VDR: variants seen among roughly 807,000 people sequenced by gnomAD.
VDR encodes the protein vitamin D3 receptor.
Under a neutral mutation model 39.7 loss-of-function variants are expected in VDR, and 19 were observed. The observed-to-expected ratio is 0.48, with a 90% confidence interval of 0.33 to 0.70. The LOEUF (loss-of-function observed/expected upper bound fraction) is 0.70. Among genes scored for constraint, VDR ranks in the 30% least tolerant of loss-of-function variants. The probability of loss-of-function intolerance (pLI) is 0.02; values close to 1 mark genes in which losing one functional copy is unlikely to be tolerated. For missense variants in VDR, 442 were observed against 570.5 expected, an observed-to-expected ratio of 0.77 and a Z score of 2.29; for synonymous variants, 242 against 215.8, an observed-to-expected ratio of 1.12 and a Z score of -1.07.
chr12:47,882,727 G>C lies in VDR; in HGVS notation c.-36C>G, dbSNP rs542245013. On this transcript the variant is annotated 5_prime_UTR_variant, in exon 2 of 10. Transcript: ENST00000549336. Reference sequence around the variant, plus strand: ...GCAGGGGGCAGGTAAGTGGAGCCCAGGGGTGCTCTTCTGTGAGGTCTCACA... The same window carrying C: ...GCAGGGGGCAGGTAAGTGGAGCCCACGGGTGCTCTTCTGTGAGGTCTCACA... 2.7e-6 allele frequency: 4 copies of C among 1,504,438 alleles called. No individual in the cohort carries two copies. The highest frequency in any genetic ancestry group is 4.0e-5 in the Admixed American group (2 of 49,524). The allele number at this position is 1,504,438 out of a possible 1,614,324, so 93.2% of individuals were successfully genotyped here. A position where few individuals can be genotyped will look rare whatever the true frequency, so the allele number is the denominator to read the frequency against.
intron 1 of VDR, among the ~76,000 whole-genome samples, chr12:47,883,299 A>T (rs894411518): frequency 6.6e-6 from 1 of 152,194 alleles, no homozygotes; most frequent in Non-Finnish European, 1.5e-5. Context: ...GGCAGCCCAC[A>T]GCCTTGGCCT....
At position 47,903,512 on chromosome 12, in the gene VDR, T is replaced by G. The variant is rs11574017; in HGVS notation, c.-84+1443A>C. On this transcript the variant is annotated intron_variant, in intron 1 of 9. Coordinates refer to ENST00000549336, the MANE Select transcript of VDR (RefSeq NM_000376.3). Reference sequence around the variant, plus strand: ...AAGACTCACAGTTCCCTCCAGCACTTGGACAGGGAAGGGACGGCAGGTCTC... The same window carrying G: ...AAGACTCACAGTTCCCTCCAGCACTGGGACAGGGAAGGGACGGCAGGTCTC... Among the ~76,000 whole-genome samples the G allele has an allele frequency of 8.7e-3, 1,326 of 152,290 alleles. 11 individuals carry two copies. Among genetic ancestry groups the G allele is most frequent in the African/African-American group, 0.03 (1,257 of 41,558 alleles).
intron 9 of VDR, 94 bp downstream of exon 9, chr12:47,846,241 C>T: frequency 9.6e-7 from 1 of 1,038,740 alleles, no homozygotes; most frequent in Non-Finnish European, 1.5e-6. Context: ...TGCTACGTCT[C>T]CCTTCAGGTT....
Position 47,888,904 on chromosome 12 carries a change from G to C in VDR, c.-83-6130C>G, listed in dbSNP as rs577514715. ...CTATTCCCCAAAAGCTAGGAAAGAA[G>C]ATTTTGAATGTTCACAACACAAAGA... is the stretch of plus-strand genomic sequence containing the variant. On this transcript the variant is annotated intron_variant, in intron 1 of 9. Coordinates refer to ENST00000549336, the MANE Select transcript of VDR (RefSeq NM_000376.3). Among the ~76,000 whole-genome samples the C allele has an allele frequency of 7.2e-5, 11 of 152,244 alleles. No individual in the cohort carries two copies. In the South Asian group the frequency reaches 2.3e-3, roughly 32 times the overall value.
intron 2 of VDR, among the ~76,000 whole-genome samples, chr12:47,880,615 G>A (rs1946127452): frequency 1.3e-5 from 2 of 152,178 alleles, no homozygotes; most frequent in African/African-American, 2.4e-5. Context: ...AGGGAATCCC[G>A]GTCACAGACC....
At chr12:47,866,953 G>T (rs564644040) in intron 3 of VDR, among the ~76,000 whole-genome samples, 2 of 152,160 alleles carry the variant, frequency 1.3e-5, no homozygotes, top group African/African-American at 4.8e-5. Context: ...CCAAGATCAT[G>T]CCACTGCACT....
In VDR at chr12:47,855,791, G is replaced by A. The variant is rs1371488626; in HGVS notation, c.594C>T (p.Asp198=). The A allele has an allele frequency of 1.2e-6, 2 of 1,613,868 alleles. No homozygotes were observed. Among genetic ancestry groups the A allele is most frequent in the Non-Finnish European group, 8.5e-7 (1 of 1,179,996 alleles). Residue 198 remains aspartate (D), a synonymous_variant, in exon 7 of 10, where the codon GAC becomes GAT. Transcript: ENST00000549336. Reference sequence around the variant, plus strand: ...GATCCAGATTGGAGAAGCTGGACGAGTCCATCATGTCTGGGAGAGATGAGG... The same window carrying A: ...GATCCAGATTGGAGAAGCTGGACGAATCCATCATGTCTGGGAGAGATGAGG... ...DHCITSSDMM[D]SSSFSNLDLS...
intron 4 of VDR, among the ~76,000 whole-genome samples, chr12:47,858,071 A>AGT (rs11574083): frequency 0.53 from 80,798 of 151,028 alleles, 21,912 homozygotes; most frequent in South Asian, 0.58. Flanking sequence ...TCCTCCATAA[A>AGT]GTGTGTGTGT....
chr12:47,857,067 C>A (rs1945503112), intron 6 of VDR, 62 bp downstream of exon 6: 2 of 1,609,836 alleles, frequency 1.2e-6, no homozygotes, highest in Non-Finnish European at 1.7e-6. Flanking sequence ...AGCCCCAGGG[C>A]AGGTGCGGTG....
chr12:47,851,409 A>G (rs978801683), intron 7 of VDR, among the ~76,000 whole-genome samples: 1 of 152,042 alleles, frequency 6.6e-6, no homozygotes, highest in East Asian at 1.9e-4. Flanking sequence ...AGTTCACACC[A>G]AGAACAGCCC....
At chr12:47,882,622 T>TTCCCCCC in intron 2 of VDR, 72 bp downstream of exon 2, 1 of 603,850 alleles carries the variant, frequency 1.7e-6, no homozygotes, top group Non-Finnish European at 3.0e-6. Flanking sequence ...CACCTTCTTA[T>TTCCCCCC]GCCCCTCCCC....
intron 1 of VDR, among the ~76,000 whole-genome samples, chr12:47,888,812 A>G (rs186076443): frequency 4.6e-5 from 7 of 152,292 alleles, no homozygotes; most frequent in East Asian, 1.9e-4. Context: ...TTAAAGCTGG[A>G]CAGGAAGAAT....
At position 47,844,799 on chromosome 12, in the gene VDR, T is replaced by C. The variant is rs2137118603; in HGVS notation, c.1231A>G (p.Ser411Gly). Residue 411 changes from serine to glycine, a missense_variant, in exon 10 of 10, where the codon AGC becomes GGC. By Grantham distance (56) the Ser-to-Gly change is moderately conservative. Around this residue, in one of 5 missense-constraint regions of VDR, gnomAD observed 173 missense variants for 252.0 expected, o/e 0.69. Coordinates refer to ENST00000549336, the MANE Select transcript of VDR (RefSeq NM_000376.3). The part of the protein sequence containing the change: ...YRCLSFQPEC[S>G]MKLTPLVLEV... ...AGCACAAGGGGCGTTAGCTTCATGCTGCACTCAGGCTGGAAGGAGAGGCAG... is the reference window on the plus strand; with the variant it reads ...AGCACAAGGGGCGTTAGCTTCATGCCGCACTCAGGCTGGAAGGAGAGGCAG... 1 of 1,614,168 alleles carries C rather than the reference T, an allele frequency of 6.2e-7. No individual in the cohort carries two copies. The highest frequency in any genetic ancestry group is 8.5e-7 in the Non-Finnish European group (1 of 1,180,012).
rs1327001546 is a variant in VDR, at chr12:47,844,733, C to T, written c.*13G>A. ...GAGCAGCCCCACCCAGGCACCGCCA[C>T]AGGCTGTCCTAGTCAGGAGATCTCA... On this transcript the variant is annotated 3_prime_UTR_variant, in exon 10 of 10. Coordinates refer to ENST00000549336, the MANE Select transcript of VDR (RefSeq NM_000376.3). 2.5e-6 allele frequency: 4 copies of T among 1,613,760 alleles called. No homozygotes were observed. In the African/African-American group the frequency reaches 4.0e-5, roughly 16 times the overall value.
chr12:47,886,150 T>C (rs897754377), intron 1 of VDR, among the ~76,000 whole-genome samples: 3 of 152,266 alleles, frequency 2.0e-5, no homozygotes, highest in African/African-American at 7.2e-5. Context: ...GAGACAATTC[T>C]TCTTCTTCCT....
At chr12:47,869,097 A>G (rs911733317) in intron 3 of VDR, among the ~76,000 whole-genome samples, 4 of 152,224 alleles carry the variant, frequency 2.6e-5, no homozygotes, top group Non-Finnish European at 5.9e-5. Context: ...GGGTTGCCTG[A>G]AAAGAGATTC....
intron 4 of VDR, among the ~76,000 whole-genome samples, chr12:47,859,895 TTCCTTCCTTCCTTCCTTCC>T (rs1945579342): frequency 2.8e-5 from 1 of 36,326 alleles, no homozygotes; most frequent in South Asian, 1.3e-3. Flanking sequence ...CCTTCCTTCC[TTCCTTCCTTCCTTCCTTCC>T]TTCTTTCTTT....
At chr12:47,869,186 AG>A (rs1289147603) in intron 3 of VDR, among the ~76,000 whole-genome samples, 3 of 152,152 alleles carry the variant, frequency 2.0e-5, no homozygotes, top group Non-Finnish European at 1.5e-5. Context: ...TATACGCAGG[AG>A]GGTTGGAGAT....
intron 3 of VDR, among the ~76,000 whole-genome samples, chr12:47,877,662 C>A (rs1946034960): frequency 6.6e-6 from 1 of 152,144 alleles, no homozygotes; most frequent in Non-Finnish European, 1.5e-5. Flanking sequence ...GTTAGAGGAC[C>A]TGGCAGGAAA....
Sources: allele counts gnomAD v4.1 joint callset (sites outside exome capture counted in the v4.1 genomes callset), GRCh38; gene constraint gnomAD v4.1.1; regional missense constraint gnomAD v4.1.1; transcripts MANE v1.5; gene names NCBI Gene and HGNC (gene_info 2026-07-23, HGNC 2026-07-21).